Variants in TMEM132D observed in about 807,000 individuals in gnomAD.
The protein encoded by TMEM132D is mature OL transmembrane protein.
A neutral mutation model predicts 62.3 loss-of-function variants in TMEM132D; 21 were observed. The observed-to-expected ratio is 0.34, with a 90% CI of 0.24 to 0.49. The LOEUF is 0.49. TMEM132D is among the 20% of genes least tolerant of loss of function. TMEM132D has a pLI of 0.99. For synonymous variants in TMEM132D, 621 were observed against 575.6 expected, an observed-to-expected ratio of 1.08 and a Z score of -1.13; for missense variants, 1,346 against 1,402.8, an observed-to-expected ratio of 0.96 and a Z score of 0.65.
chr12:129,138,913 G>C (rs1593273772), intron 5 of TMEM132D, among the ~76,000 whole-genome samples: 1 of 152,282 alleles, frequency 6.6e-6, no homozygotes, highest in South Asian at 2.1e-4. Flanking sequence ...CACCCACCCT[G>C]TGATCCTGCC....
Position 129,309,701 on chromosome 12 carries a change from T to C in TMEM132D, c.1299+27933A>G, listed in dbSNP as rs1214992946. 2.0e-5 allele frequency among the ~76,000 whole-genome samples: 3 copies of C among 152,016 alleles called. No homozygotes were observed. The East Asian group carries it at 5.8e-4, about 29-fold the overall frequency. ...CAAACATTAGGAGAGCAAGGTGTCG[T>C]ATAGATAGAAAAATTTAGATGTGTT... is the stretch of plus-strand genomic sequence containing the variant. On this transcript the variant is annotated intron_variant, in intron 4 of 8. Coordinates refer to ENST00000422113, the MANE Select transcript of TMEM132D (RefSeq NM_133448.3).
intron 2 of TMEM132D, among the ~76,000 whole-genome samples, chr12:129,632,361 C>T (rs189595786): frequency 1.3e-5 from 2 of 152,088 alleles, no homozygotes; most frequent in Admixed American, 6.5e-5. Flanking sequence ...AAACCTTTTT[C>T]GGCAGTAAAA....
intron 3 of TMEM132D, among the ~76,000 whole-genome samples, chr12:129,466,362 C>G (rs1873903944): frequency 7.7e-6 from 1 of 130,150 alleles, no homozygotes; most frequent in African/African-American, 2.9e-5. Flanking sequence ...GGCTGGAGTG[C>G]AGGGAGTGGC....
intron 4 of TMEM132D, among the ~76,000 whole-genome samples, chr12:129,298,789 A>G (rs1042518728): frequency 2.6e-5 from 4 of 152,192 alleles, no homozygotes; most frequent in Non-Finnish European, 5.9e-5. Flanking sequence ...AGGCCCATCT[A>G]TAGAGAGCCA....
chr12:129,837,443 C>T (rs567927422), intron 1 of TMEM132D, among the ~76,000 whole-genome samples: 2 of 152,256 alleles, frequency 1.3e-5, no homozygotes, highest in African/African-American at 4.8e-5. Flanking sequence ...CAAACAATTG[C>T]TTTTTAAAAC....
At chr12:129,786,856 G>A (rs1871260816) in intron 1 of TMEM132D, among the ~76,000 whole-genome samples, 1 of 152,152 alleles carries the variant, frequency 6.6e-6, no homozygotes, top group African/African-American at 2.4e-5. Flanking sequence ...GTGCCACTGT[G>A]CTCCAGCCTG....
intron 5 of TMEM132D, among the ~76,000 whole-genome samples, chr12:129,124,704 G>T (rs1253847392): frequency 6.6e-6 from 1 of 152,208 alleles, no homozygotes; most frequent in African/African-American, 2.4e-5. Flanking sequence ...GAATGTGTTT[G>T]TTCACCTATT....
intron 3 of TMEM132D, among the ~76,000 whole-genome samples, chr12:129,480,877 G>C (rs767142359): frequency 3.9e-5 from 6 of 152,212 alleles, no homozygotes; most frequent in Non-Finnish European, 7.3e-5. Context: ...GGACCAGAGG[G>C]CACATGGGCA....
chr12:129,199,597 A>G (rs141614715), intron 5 of TMEM132D, among the ~76,000 whole-genome samples: 227 of 152,308 alleles, frequency 1.5e-3, no homozygotes, highest in African/African-American at 5.2e-3. Flanking sequence ...AAACTGCTCT[A>G]AAGAAATACC....
At chr12:129,394,282 C>T (rs114435880) in intron 3 of TMEM132D, among the ~76,000 whole-genome samples, 2 of 152,244 alleles carry the variant, frequency 1.3e-5, no homozygotes, top group African/African-American at 2.4e-5. Flanking sequence ...CCACTGTTCC[C>T]GTCAATACAT....
chr12:129,447,401 C>T (rs544390727), intron 3 of TMEM132D, among the ~76,000 whole-genome samples: 1 of 152,116 alleles, frequency 6.6e-6, no homozygotes, highest in Admixed American at 6.5e-5. Flanking sequence ...AAACTGGTAT[C>T]GTTTGCAATA....
At chr12:129,450,098 C>T (rs1420902006) in intron 3 of TMEM132D, among the ~76,000 whole-genome samples, 1 of 152,136 alleles carries the variant, frequency 6.6e-6, no homozygotes, top group Non-Finnish European at 1.5e-5. Flanking sequence ...CTTATAGATG[C>T]TGGATATTAG....
intron 1 of TMEM132D, among the ~76,000 whole-genome samples, chr12:129,708,635 A>C (rs1328038319): frequency 2.0e-4 from 16 of 80,294 alleles, no homozygotes; most frequent in African/African-American, 7.3e-4. Flanking sequence ...AAAAAAACAC[A>C]CACACACACA....
intron 1 of TMEM132D, among the ~76,000 whole-genome samples, chr12:129,731,942 G>A (rs1413803682): frequency 5.9e-5 from 9 of 152,296 alleles, no homozygotes; most frequent in South Asian, 2.1e-4. Context: ...GATTACAGGC[G>A]TGAGCCACCG....
chr12:129,247,487 A>G (rs1880153943), intron 4 of TMEM132D, among the ~76,000 whole-genome samples: 2 of 152,216 alleles, frequency 1.3e-5, no homozygotes, highest in Non-Finnish European at 2.9e-5. Context: ...CTTTTCCAGC[A>G]TTTGGATGAC....
chr12:129,409,641 T>C (rs1436421095), intron 3 of TMEM132D, among the ~76,000 whole-genome samples: 1 of 152,246 alleles, frequency 6.6e-6, no homozygotes, highest in African/African-American at 2.4e-5. Context: ...TGCTCCTATA[T>C]TGTTCAATTC....
intron 1 of TMEM132D, among the ~76,000 whole-genome samples, chr12:129,826,402 GGGA>G (rs1246652673): frequency 6.6e-6 from 1 of 152,170 alleles, no homozygotes; most frequent in Non-Finnish European, 1.5e-5. Flanking sequence ...AAAAGAGACA[GGGA>G]GAAACAGCCC....
At chr12:129,184,732 A>G (rs1878173441) in intron 5 of TMEM132D, among the ~76,000 whole-genome samples, 2 of 152,216 alleles carry the variant, frequency 1.3e-5, no homozygotes, top group Admixed American at 1.3e-4. Flanking sequence ...CATGGAGACC[A>G]TTAATCTAGT....
intron 1 of TMEM132D, among the ~76,000 whole-genome samples, chr12:129,812,605 G>A (rs958897654): frequency 6.6e-6 from 1 of 151,646 alleles, no homozygotes; most frequent in African/African-American, 2.4e-5. Context: ...CCAGTCAAAC[G>A]GACAGTGTCT....
Sources: allele counts gnomAD v4.1 joint callset (sites outside exome capture counted in the v4.1 genomes callset), GRCh38; gene constraint gnomAD v4.1.1; transcripts MANE v1.5; gene names NCBI Gene and HGNC (gene_info 2026-07-23, HGNC 2026-07-21).